AP1S3: variants seen among roughly 807,000 people sequenced by gnomAD.
AP1S3 encodes the protein adaptor related protein complex 1 subunit sigma 3.
AP1S3 carries 10 observed loss-of-function variants against 20.9 expected under a neutral mutation model. The observed-to-expected ratio is 0.48, with a 90% CI of 0.29 to 0.81. The LOEUF is 0.81. Among genes scored for constraint, AP1S3 ranks in the 30% least tolerant of loss-of-function variants. The pLI is 0.08. For missense variants in AP1S3, 154 were observed against 183.8 expected (o/e 0.84, Z 0.94); for synonymous variants, 41 against 61.5 (o/e 0.67, Z 1.56).
At chr2:223,780,306 T>TAG (rs1690900682) in intron 1 of AP1S3, among the ~76,000 whole-genome samples, 2 of 45,252 alleles carry the variant, frequency 4.4e-5, no homozygotes, top group Non-Finnish European at 7.7e-5. Flanking sequence ...TATATATATA[T>TAG]ATAGAGAGAG....
At chr2:223,771,091 T>C (rs183324389) in intron 3 of AP1S3, among the ~76,000 whole-genome samples, 252 of 151,520 alleles carry the variant, frequency 1.7e-3, no homozygotes, top group Admixed American at 2.6e-3. Flanking sequence ...TCCCAGCACT[T>C]TGGGGGGGCT....
intron 3 of AP1S3, among the ~76,000 whole-genome samples, chr2:223,773,921 G>A (rs1690697615): frequency 6.6e-6 from 1 of 152,230 alleles, no homozygotes; most frequent in Admixed American, 6.5e-5. Context: ...CTGGCCCACA[G>A]CTGGTTACAA....
At chr2:223,832,809 T>TG (rs1389246336) in intron 1 of AP1S3, among the ~76,000 whole-genome samples, 65 of 36,186 alleles carry the variant, frequency 1.8e-3, no homozygotes, top group Non-Finnish European at 2.2e-3. Context: ...TCTTTTTTCT[T>TG]TTTTTTTTTT....
chr2:223,808,677 C>T (rs1278340940), intron 1 of AP1S3, among the ~76,000 whole-genome samples: 2 of 152,176 alleles, frequency 1.3e-5, no homozygotes, highest in Admixed American at 6.5e-5. Flanking sequence ...ACTCAGTTTC[C>T]TTCAGAGTAC....
At chr2:223,812,203 C>T (rs1170134876) in intron 1 of AP1S3, among the ~76,000 whole-genome samples, 2 of 151,936 alleles carry the variant, frequency 1.3e-5, no homozygotes, top group African/African-American at 4.8e-5. Context: ...GCATGTAAGC[C>T]TTTTTGTTTG....
intron 1 of AP1S3, among the ~76,000 whole-genome samples, chr2:223,785,529 T>C (rs1253299767): frequency 3.3e-5 from 5 of 152,342 alleles, no homozygotes; most frequent in Non-Finnish European, 5.9e-5. Flanking sequence ...AAAATTCATA[T>C]GTATGATTCT....
chr2:223,783,793 G>A (rs537655059), intron 1 of AP1S3, among the ~76,000 whole-genome samples: 28 of 152,280 alleles, frequency 1.8e-4, no homozygotes, highest in African/African-American at 6.3e-4. Flanking sequence ...CAGCCTTTCC[G>A]GACTAGCTCG....
chr2:223,780,639 C>T (rs770424735), intron 1 of AP1S3, among the ~76,000 whole-genome samples: 7 of 151,710 alleles, frequency 4.6e-5, no homozygotes, highest in Non-Finnish European at 1.0e-4. Flanking sequence ...CTATGTTGCC[C>T]AGACTGGTCT....
chr2:223,782,930 T>C (rs1384885413), intron 1 of AP1S3, among the ~76,000 whole-genome samples: 2 of 152,170 alleles, frequency 1.3e-5, no homozygotes, highest in African/African-American at 4.8e-5. Context: ...CTCCAGCAAT[T>C]AATTTTATAC....
rs1362132504 is a variant in AP1S3 at position 223,780,343 on chromosome 2, AGAGAGAGAGAGAGAGTGTGT to A, written c.4-2494_4-2475del. ...GAGAGAGAGAGAGAGAGAGAGAGAG[AGAGAGAGAGAGAGAGTGTGT>A]GTGTGTGTGTGTGTGTGTGTGTGTG... On this transcript the variant is annotated intron_variant, in intron 1 of 4. Transcript: ENST00000396654. 8.7e-4 allele frequency among the ~76,000 whole-genome samples: 100 copies of A among 114,974 alleles called. 1 individual carries two copies. Among genetic ancestry groups the A allele is most frequent in the African/African-American group, 3.2e-3 (88 of 27,106 alleles). The allele number at this position is 114,974 out of a possible 152,430, so 75.4% of individuals were successfully genotyped here.
chr2:223,827,430 T>C (rs1347871425), intron 1 of AP1S3, among the ~76,000 whole-genome samples: 1 of 152,192 alleles, frequency 6.6e-6, no homozygotes, highest in Non-Finnish European at 1.5e-5. Context: ...TCGCCCAGGT[T>C]GGAGTGCAGT....
At chr2:223,804,543 C>G (rs1357583365) in intron 1 of AP1S3, among the ~76,000 whole-genome samples, 1 of 151,906 alleles carries the variant, frequency 6.6e-6, no homozygotes, top group Admixed American at 6.6e-5. Flanking sequence ...TACAAAAAAA[C>G]TTTTTTAAAT....
chr2:223,766,258 G>A (rs1456206254), intron 3 of AP1S3, among the ~76,000 whole-genome samples: 2 of 152,000 alleles, frequency 1.3e-5, no homozygotes, highest in African/African-American at 4.8e-5. Flanking sequence ...CATATCCTTC[G>A]CCCACTTTTT....
At position 223,756,414 on chromosome 2, in the gene AP1S3, GGA is replaced by G. The variant is rs1485245335; in HGVS notation, c.*2299_*2300del. On this transcript the variant is annotated 3_prime_UTR_variant, in exon 5 of 5. Transcript: ENST00000396654. ...GAAGGGAAGGAAGGAAGGGAGGGAA[GGA>G]GAGAGAGAGAAGAAGGAAGGAAGAA... 40 of 550,386 alleles carry G rather than the reference GGA, an allele frequency of 7.3e-5. No homozygotes were observed. Among genetic ancestry groups the G allele is most frequent in the African/African-American group, 1.2e-4 (5 of 42,042 alleles). The allele number at this position is 550,386 out of a possible 1,614,324, so 34.1% of individuals were successfully genotyped here. A position where few individuals can be genotyped will look rare whatever the true frequency, so the allele number is the denominator to read the frequency against.
At chr2:223,788,779 A>AG (rs1415640535) in intron 1 of AP1S3, among the ~76,000 whole-genome samples, 2,111 of 146,298 alleles carry the variant, frequency 0.014, 68 homozygotes, top group African/African-American at 0.05. Context: ...AAAAAAAAAA[A>AG]AAGAAGAAGA....
intron 1 of AP1S3, among the ~76,000 whole-genome samples, chr2:223,804,041 C>G (rs1337168921): frequency 6.6e-6 from 1 of 152,058 alleles, no homozygotes; most frequent in Non-Finnish European, 1.5e-5. Flanking sequence ...TACAATCCAC[C>G]CTACCCTGCA....
chr2:223,834,190 T>C (rs1014929468), intron 1 of AP1S3, among the ~76,000 whole-genome samples: 1 of 152,048 alleles, frequency 6.6e-6, no homozygotes, highest in Non-Finnish European at 1.5e-5. Context: ...ATGTGGGTTA[T>C]ATCCACTGAT....
intron 4 of AP1S3, among the ~76,000 whole-genome samples, chr2:223,762,268 AT>A (rs57119521): frequency 0.089 from 9,378 of 104,968 alleles, 1,343 homozygotes; most frequent in East Asian, 0.25. Context: ...GTGCCCAGCA[AT>A]TTTTTTTTTT....
chr2:223,831,945 C>T (rs1320343563), intron 1 of AP1S3, among the ~76,000 whole-genome samples: 3 of 152,018 alleles, frequency 2.0e-5, no homozygotes, highest in African/African-American at 4.8e-5. Flanking sequence ...GGCATGGTGG[C>T]GGGAGCCTGT....
Sources: gnomAD v4.1 joint callset for allele counts (sites outside exome capture counted in the v4.1 genomes callset) on GRCh38, gnomAD v4.1.1 for gene constraint, MANE v1.5 for transcripts, NCBI Gene and HGNC (gene_info 2026-07-23, HGNC 2026-07-21) for gene names.